The following ANKS1B variants were observed in gnomAD, a reference collection of about 807,000 sequenced individuals.
The protein encoded by ANKS1B is ankyrin repeat and sterile alpha motif domain containing 1B.
ANKS1B carries 36 observed loss-of-function variants against 148.3 expected under a neutral mutation model. The observed-to-expected ratio is 0.24, with a 90% confidence interval of 0.19 to 0.32. The LOEUF (loss-of-function observed/expected upper bound fraction) is 0.32, where lower values mean the gene tolerates loss of function less well. ANKS1B is among the 10% of genes least tolerant of loss of function. The probability of loss-of-function intolerance (pLI) is 1.00; values close to 1 mark genes in which losing one functional copy is unlikely to be tolerated. For missense variants in ANKS1B, 1,157 were observed against 1,542.6 expected (o/e 0.75, Z 4.19); for synonymous variants, 542 against 560.8 (o/e 0.97, Z 0.47).
At chr12:99,034,266 G>A (rs928801734) in intron 17 of ANKS1B, among the ~76,000 whole-genome samples, 13 of 152,182 alleles carry the variant, frequency 8.5e-5, no homozygotes, top group African/African-American at 3.1e-4. Context: ...AGTAGAGCTT[G>A]GAGGCTATAG....
intron 25 of ANKS1B, among the ~76,000 whole-genome samples, chr12:98,765,462 C>T (rs551065050): frequency 9.9e-5 from 15 of 151,376 alleles, no homozygotes; most frequent in African/African-American, 3.6e-4. Context: ...TGGGGTTTCA[C>T]CATGCTGGTC....
chr12:99,570,668 A>G (rs1257455417), intron 9 of ANKS1B, among the ~76,000 whole-genome samples: 2 of 151,650 alleles, frequency 1.3e-5, no homozygotes, highest in Non-Finnish European at 2.9e-5. Context: ...AAAGGCAGAT[A>G]AATGAAACAA....
intron 8 of ANKS1B, among the ~76,000 whole-genome samples, chr12:99,749,455 C>T (rs1380699915): frequency 1.3e-5 from 2 of 152,042 alleles, no homozygotes; most frequent in African/African-American, 2.4e-5. Flanking sequence ...TGTTTGAGTA[C>T]TAGGATCCAT....
intron 17 of ANKS1B, among the ~76,000 whole-genome samples, chr12:99,040,331 G>A (rs777180910): frequency 1.3e-5 from 2 of 151,788 alleles, no homozygotes; most frequent in African/African-American, 2.4e-5. Context: ...ATACCAGCAC[G>A]CCTCATAAGT....
chr12:99,934,224 G>T lies in ANKS1B; in HGVS notation c.134+49880C>A, dbSNP rs138212109. Reference sequence around the variant, plus strand: ...CAATGTTCATCAGTAATACTGGCCTGTAGTTTTCTTTTTTTGATGTATCTT... The same window carrying T: ...CAATGTTCATCAGTAATACTGGCCTTTAGTTTTCTTTTTTTGATGTATCTT... On this transcript the variant is annotated intron_variant, in intron 1 of 26. Coordinates refer to ENST00000683438, the MANE Select transcript of ANKS1B (RefSeq NM_001352186.2). Among the ~76,000 whole-genome samples the T allele has an allele frequency of 7.7e-3, 1,174 of 152,188 alleles. 15 individuals carry two copies. Among genetic ancestry groups the T allele is most frequent in the African/African-American group, 0.027 (1,110 of 41,532 alleles).
chr12:99,394,483 T>C (rs1423459502), intron 12 of ANKS1B, among the ~76,000 whole-genome samples: 3 of 152,164 alleles, frequency 2.0e-5, no homozygotes, highest in Non-Finnish European at 4.4e-5. Context: ...CATGAGGCTC[T>C]ATCATTTCCA....
intron 8 of ANKS1B, among the ~76,000 whole-genome samples, chr12:99,720,191 G>T (rs536822166): frequency 6.6e-6 from 1 of 152,298 alleles, no homozygotes; most frequent in African/African-American, 2.4e-5. Context: ...TTCAGGGATT[G>T]TTCAGGCCTC....
At chr12:99,133,114 C>T (rs946413931) in intron 15 of ANKS1B, among the ~76,000 whole-genome samples, 7 of 144,930 alleles carry the variant, frequency 4.8e-5, no homozygotes, top group Admixed American at 2.1e-4. Context: ...TACAGTGGTG[C>T]GATCTCGGCT....
intron 9 of ANKS1B, among the ~76,000 whole-genome samples, chr12:99,605,032 C>T (rs980117128): frequency 6.6e-6 from 1 of 151,888 alleles, no homozygotes; most frequent in Admixed American, 6.6e-5. Flanking sequence ...CTGTCACATT[C>T]TCAGACCAAA....
intron 10 of ANKS1B, among the ~76,000 whole-genome samples, chr12:99,485,799 T>C (rs1354351407): frequency 6.6e-6 from 1 of 152,174 alleles, no homozygotes; most frequent in African/African-American, 2.4e-5. Flanking sequence ...TTCTTTCTTC[T>C]ATTTGTTCTA....
At chr12:99,541,680 C>T (rs568704201) in intron 9 of ANKS1B, among the ~76,000 whole-genome samples, 1 of 151,888 alleles carries the variant, frequency 6.6e-6, no homozygotes, top group Non-Finnish European at 1.5e-5. Flanking sequence ...CATGGTGAAA[C>T]CCCATCTCTA....
At position 99,903,750 on chromosome 12, in the gene ANKS1B, G is replaced by C. The variant is rs7132991; in HGVS notation, c.135-78361C>G. 8.6e-5 allele frequency among the ~76,000 whole-genome samples: 13 copies of C among 151,856 alleles called. No homozygotes were observed. In the South Asian group the frequency reaches 1.2e-3, roughly 15 times the overall value. On this transcript the variant is annotated intron_variant, in intron 1 of 26. Coordinates refer to ENST00000683438, the MANE Select transcript of ANKS1B (RefSeq NM_001352186.2). ...GGGGACTCCGGAGGAAAAATGGGAG[G>C]GGGGGAGAGGGATAAAAGACTATGA... is the stretch of plus-strand genomic sequence containing the variant.
chr12:99,589,999 C>A (rs1238989063), intron 9 of ANKS1B, among the ~76,000 whole-genome samples: 6 of 152,054 alleles, frequency 3.9e-5, no homozygotes, highest in South Asian at 4.2e-4. Flanking sequence ...AAAAAAGAAT[C>A]TCAGTAGGGT....
At chr12:99,345,824 G>T (rs1342560042) in intron 12 of ANKS1B, among the ~76,000 whole-genome samples, 1 of 151,906 alleles carries the variant, frequency 6.6e-6, no homozygotes, top group Non-Finnish European at 1.5e-5. Flanking sequence ...CAAATGCTGT[G>T]GTTGGTACCC....
intron 9 of ANKS1B, among the ~76,000 whole-genome samples, chr12:99,640,559 T>C (rs1330635728): frequency 6.6e-6 from 1 of 152,170 alleles, no homozygotes; most frequent in Non-Finnish European, 1.5e-5. Flanking sequence ...TGCCTTGGGA[T>C]GATGTAGGAA....
intron 17 of ANKS1B, among the ~76,000 whole-genome samples, chr12:99,039,619 C>A (rs183886366): frequency 6.6e-6 from 1 of 152,370 alleles, no homozygotes; most frequent in Admixed American, 6.5e-5. Flanking sequence ...ATCCACTCTG[C>A]TGCCTTGCAG....
At chr12:98,775,049 T>C (rs2098655490) in intron 24 of ANKS1B, among the ~76,000 whole-genome samples, 1 of 152,128 alleles carries the variant, frequency 6.6e-6, no homozygotes, top group African/African-American at 2.4e-5. Flanking sequence ...AAAGGTGCAA[T>C]GTGAGATGGT....
chr12:99,406,101 T>C (rs999021405), intron 11 of ANKS1B, among the ~76,000 whole-genome samples: 4 of 145,348 alleles, frequency 2.8e-5, no homozygotes, highest in Non-Finnish European at 6.1e-5. Context: ...ACTTTCATCA[T>C]TGGACAGATC....
At chr12:99,684,526 CAAT>C (rs2098638868) in intron 8 of ANKS1B, among the ~76,000 whole-genome samples, 1 of 151,886 alleles carries the variant, frequency 6.6e-6, no homozygotes, top group Non-Finnish European at 1.5e-5. Context: ...TGGGTAGTAT[CAAT>C]ATTGTAAAAA....
Sources: gnomAD v4.1 joint callset for allele counts (sites outside exome capture counted in the v4.1 genomes callset) on GRCh38, gnomAD v4.1.1 for gene constraint, MANE v1.5 for transcripts, NCBI Gene and HGNC (gene_info 2026-07-23, HGNC 2026-07-21) for gene names.